UNC13B: variants seen among roughly 807,000 people sequenced by gnomAD.
UNC13B encodes protein unc-13 homolog B.
Under a neutral mutation model 211.0 loss-of-function variants are expected in UNC13B, and 144 were observed. That is an observed-to-expected ratio of 0.68 (90% CI 0.60 to 0.78). The LOEUF (loss-of-function observed/expected upper bound fraction) is 0.78. UNC13B is among the 30% of genes least tolerant of loss of function. The pLI, the probability that UNC13B is intolerant of heterozygous loss-of-function variation, is 0.00. For missense variants in UNC13B, 1,777 were observed against 2,002.0 expected (o/e 0.89, Z 2.14); for synonymous variants, 709 against 725.8 (o/e 0.98, Z 0.37).
intron 11 of UNC13B, chr9:35,342,057 C>T (rs1832030658): frequency 3.0e-6 from 3 of 985,352 alleles, no homozygotes; most frequent in African/African-American, 1.7e-5. Context: ...CCAAGCCCTT[C>T]ACTGAGGGGT....
chr9:35,380,789 A>C (rs1026609840), intron 18 of UNC13B, 150 bp downstream of exon 18: 1 of 1,081,088 alleles, frequency 9.2e-7, no homozygotes, highest in Non-Finnish European at 1.3e-6. Flanking sequence ...GTGGGGAGGG[A>C]TGGGGGACAG....
At chr9:35,229,901 A>C (rs1405883373) in intron 2 of UNC13B, among the ~76,000 whole-genome samples, 5 of 152,174 alleles carry the variant, frequency 3.3e-5, no homozygotes, top group African/African-American at 1.2e-4. Context: ...CATGTTAAGC[A>C]ATGTTTGCCA....
chr9:35,390,950 C>T (rs1395021542), intron 26 of UNC13B, among the ~76,000 whole-genome samples: 1 of 152,210 alleles, frequency 6.6e-6, no homozygotes, highest in Non-Finnish European at 1.5e-5. Flanking sequence ...AGCTTTGGAG[C>T]AACTGCCTGT....
chr9:35,175,846 G>A (rs1298794119), intron 1 of UNC13B, among the ~76,000 whole-genome samples: 8 of 118,568 alleles, frequency 6.7e-5, no homozygotes, highest in Admixed American at 2.0e-4. Flanking sequence ...GTGAAACCCC[G>A]TCTCTACTAA....
In UNC13B at chr9:35,236,537, T is replaced by C. The variant is rs373656914; in HGVS notation, c.221T>C (p.Met74Thr). The change falls in exon 4 of 40, where the codon ATG becomes ACG. Residue 74 changes from methionine (M) to threonine (T), a missense_variant. Physicochemically the swap from Met to Thr is moderately conservative, Grantham distance 81. Coordinates refer to ENST00000635942, the MANE Select transcript of UNC13B (RefSeq NM_001371189.2). ...AACAAAGGACTGATCTGGGACACCA[T>C]GGTGGGGACTGTGTGGATTGCGCTG... is the stretch of plus-strand genomic sequence containing the variant. ...VWNKGLIWDTMVGTVWIALKT... is the reference protein window; with the variant it reads ...VWNKGLIWDTTVGTVWIALKT... 3.7e-6 allele frequency: 6 copies of C among 1,614,126 alleles called. No homozygotes were observed. The highest frequency in any genetic ancestry group is 5.1e-6 in the Non-Finnish European group (6 of 1,179,984).
At chr9:35,259,151 G>A in intron 7 of UNC13B, 101 bp downstream of exon 7, 1 of 1,206,358 alleles carries the variant, frequency 8.3e-7, no homozygotes, top group Non-Finnish European at 1.2e-6. Flanking sequence ...GATGTCATGT[G>A]TGTAAGCAGA....
intron 1 of UNC13B, among the ~76,000 whole-genome samples, chr9:35,179,190 A>C (rs1248005083): frequency 6.6e-6 from 1 of 152,186 alleles, no homozygotes; most frequent in Non-Finnish European, 1.5e-5. Context: ...ATTTTTAATA[A>C]AAGTATTTAG....
intron 1 of UNC13B, among the ~76,000 whole-genome samples, chr9:35,166,340 C>T (rs557792292): frequency 2.6e-4 from 39 of 152,096 alleles, no homozygotes; most frequent in Non-Finnish European, 5.3e-4. Flanking sequence ...AAGATCATGC[C>T]ACTGTACTCC....
chr9:35,223,630 G>A lies in UNC13B; in HGVS notation c.23-4385G>A, dbSNP rs140025865. 4.0e-4 allele frequency among the ~76,000 whole-genome samples: 61 copies of A among 151,916 alleles called. 1 individual carries two copies. In the East Asian group the frequency reaches 0.011, roughly 28 times the overall value. ...AATATTGTCTCCCATTCTGTAGTTT[G>A]TCTCTTTATTGATTGTTACTTTTGC... is the stretch of plus-strand genomic sequence containing the variant. On this transcript the variant is annotated intron_variant, in intron 1 of 39. Coordinates refer to ENST00000635942, the MANE Select transcript of UNC13B (RefSeq NM_001371189.2).
intron 1 of UNC13B, among the ~76,000 whole-genome samples, chr9:35,167,882 C>A (rs1358503103): frequency 6.6e-6 from 1 of 150,628 alleles, no homozygotes; most frequent in Non-Finnish European, 1.5e-5. Context: ...GGATTACAGG[C>A]GTGAGCCACC....
intron 7 of UNC13B, among the ~76,000 whole-genome samples, chr9:35,263,036 ATC>A (rs1446916338): frequency 6.6e-6 from 1 of 151,946 alleles, no homozygotes; most frequent in Admixed American, 6.6e-5. Flanking sequence ...TCTAATTATA[ATC>A]TCTATTCATA....
intron 11 of UNC13B, among the ~76,000 whole-genome samples, chr9:35,340,851 T>C (rs1238906403): frequency 6.6e-6 from 1 of 152,218 alleles, no homozygotes; most frequent in East Asian, 1.9e-4. Flanking sequence ...GGATATCACA[T>C]TTCATGTATT....
At chr9:35,282,286 C>A (rs1331078397) in intron 7 of UNC13B, among the ~76,000 whole-genome samples, 1 of 152,166 alleles carries the variant, frequency 6.6e-6, no homozygotes, top group Non-Finnish European at 1.5e-5. Context: ...CCTAAAAGTA[C>A]CTACTATCCC....
At chr9:35,249,952 G>A (rs186154425) in intron 6 of UNC13B, among the ~76,000 whole-genome samples, 15 of 152,126 alleles carry the variant, frequency 9.9e-5, no homozygotes, top group East Asian at 7.7e-4. Flanking sequence ...CTTTTTAGCA[G>A]TTTTATTGAA....
At chr9:35,225,329 T>C (rs955855674) in intron 1 of UNC13B, among the ~76,000 whole-genome samples, 3 of 151,930 alleles carry the variant, frequency 2.0e-5, no homozygotes, top group African/African-American at 7.3e-5. Context: ...CCCAGCTAAT[T>C]TTTGTATTTT....
At chr9:35,366,799 A>AC (rs1221377071) in intron 11 of UNC13B, 148 bp from the exon 12 acceptor site, 1 of 667,012 alleles carries the variant, frequency 1.5e-6, no homozygotes, top group Non-Finnish European at 2.7e-6. Context: ...ACTGATCAGG[A>AC]CATTGGTTTA....
In UNC13B at chr9:35,362,815, A is replaced by AG. The variant is rs1250349826; in HGVS notation, c.9415-4132_9415-4131insG. 1.8e-3 allele frequency among the ~76,000 whole-genome samples: 272 copies of AG among 152,162 alleles called. 1 individual carries two copies. The highest frequency in any genetic ancestry group is 6.3e-3 in the African/African-American group (260 of 41,498). ...ACTCCGTCTCAAAAAAAAAAAAAAA[A>AG]AAAATCTGCATCTATTTGCTCTGGT... is the stretch of plus-strand genomic sequence containing the variant. On this transcript the variant is annotated intron_variant, in intron 11 of 39. Coordinates refer to ENST00000635942, the MANE Select transcript of UNC13B (RefSeq NM_001371189.2).
intron 1 of UNC13B, among the ~76,000 whole-genome samples, chr9:35,203,257 G>A (rs568430900): frequency 1.3e-5 from 2 of 152,294 alleles, no homozygotes; most frequent in Admixed American, 6.5e-5. Flanking sequence ...AGCATCGATG[G>A]TCTTTACAAT....
In UNC13B at chr9:35,303,297, C is replaced by G. The variant is rs943952716; in HGVS notation, c.3893C>G (p.Ala1298Gly). The G allele has an allele frequency of 3.5e-5, 14 of 398,482 alleles. No homozygotes were observed. The Admixed American group carries it at 6.2e-4, about 18-fold the overall frequency. The allele number at this position is 398,482 out of a possible 1,614,324, so 24.7% of individuals were successfully genotyped here. ...ENIVLHCAPS[A>G]QLGFLEKSMA... The stretch of plus-strand genomic sequence containing the variant: ...ATTGTACTTCACTGTGCTCCAAGTG[C>G]TCAGCTAGGTTTTTTGGAGAAATCT... Residue 1298 changes from alanine (A) to glycine (G), a missense_variant, in exon 9 of 40, where the codon GCT (alanine) becomes GGT (glycine). Coordinates refer to ENST00000635942, the MANE Select transcript of UNC13B (RefSeq NM_001371189.2).
Sources: gnomAD v4.1 joint callset for allele counts (sites outside exome capture counted in the v4.1 genomes callset) on GRCh38, gnomAD v4.1.1 for gene constraint, MANE v1.5 for transcripts, NCBI Gene and HGNC (gene_info 2026-07-23, HGNC 2026-07-21) for gene names.